Variants in BRCA2 observed in about 807,000 individuals in gnomAD.
The protein encoded by BRCA2 is BRCA2 DNA repair associated, also known as breast cancer type 2 susceptibility protein.
Under a neutral mutation model 276.7 loss-of-function variants are expected in BRCA2, and 203 were observed. The ratio of observed to expected loss-of-function variants is 0.73; its 90% CI spans 0.65 to 0.82. The LOEUF (loss-of-function observed/expected upper bound fraction) is 0.82, where lower values mean the gene tolerates loss of function less well. Ranked by LOEUF, BRCA2 falls within the 40% of genes least tolerant of loss-of-function variation. The pLI is 0.00. For synonymous variants in BRCA2, 1,289 were observed against 1,338.4 expected, an observed-to-expected ratio of 0.96 and a Z score of 0.81; for missense variants, 3,920 against 3,915.0, an observed-to-expected ratio of 1.00 and a Z score of -0.03.
At chr13:32,389,153 T>A (rs1169065395) in intron 24 of BRCA2, among the ~76,000 whole-genome samples, 1 of 152,220 alleles carries the variant, frequency 6.6e-6, no homozygotes, top group African/African-American at 2.4e-5. Flanking sequence ...TCTACCACTC[T>A]AAGTGAAGTG....
rs786201237 is a variant in BRCA2, at chr13:32,332,657, T to C, written c.1179T>C (p.Cys393=). The change falls in exon 10 of 27, where the codon TGT becomes TGC. Residue 393 remains cysteine (C), a synonymous_variant. Coordinates refer to ENST00000380152, the MANE Select transcript of BRCA2 (RefSeq NM_000059.4). ...ISKEVVPSLA[C]EWSQLTLSGL... Reference sequence around the variant, plus strand: ...AGGAAGTTGTACCGTCTTTGGCCTGTGAATGGTCTCAACTAACCCTTTCAG... The same window carrying C: ...AGGAAGTTGTACCGTCTTTGGCCTGCGAATGGTCTCAACTAACCCTTTCAG... The C allele has an allele frequency of 4.3e-6, 7 of 1,613,962 alleles. No individual in the cohort carries two copies. The highest frequency in any genetic ancestry group is 5.9e-6 in the Non-Finnish European group (7 of 1,179,966).
rs2137481653 is a variant in BRCA2 at position 32,336,250 on chromosome 13, T to G, written c.1910-15T>G. 6.3e-7 allele frequency: 1 copy of G among 1,594,686 alleles called. No individual in the cohort carries two copies. The highest frequency in any genetic ancestry group is 8.5e-7 in the Non-Finnish European group (1 of 1,173,626). ...ATGGTACTTTAATTTTGTCACTTTG[T>G]GTTTTTATGTTTAGGTTTATTGCAT... On this transcript the variant is annotated splice_polypyrimidine_tract_variant and intron_variant, in intron 10 of 26. Coordinates refer to ENST00000380152, the MANE Select transcript of BRCA2 (RefSeq NM_000059.4).
intron 16 of BRCA2, 83 bp downstream of exon 16, chr13:32,358,012 A>T (rs897893124): frequency 9.5e-6 from 14 of 1,475,724 alleles, no homozygotes; most frequent in Non-Finnish European, 1.9e-6. Flanking sequence ...CTCGAACTAA[A>T]AAGTTGGCTA....
chr13:32,374,648 C>T (rs1027799115), intron 20 of BRCA2, among the ~76,000 whole-genome samples: 9 of 152,228 alleles, frequency 5.9e-5, no homozygotes, highest in African/African-American at 2.2e-4. Context: ...ATAAGATCCT[C>T]ATCTCCATCT....
chr13:32,354,034 A>G (rs991992973), intron 13 of BRCA2, among the ~76,000 whole-genome samples: 1 of 152,248 alleles, frequency 6.6e-6, no homozygotes, highest in South Asian at 2.1e-4. Context: ...TAAGGAAGAC[A>G]TCCAGTTTTG....
intron 11 of BRCA2, among the ~76,000 whole-genome samples, chr13:32,342,305 T>C (rs1312066271): frequency 6.6e-6 from 1 of 151,646 alleles, no homozygotes; most frequent in Non-Finnish European, 1.5e-5. Context: ...TTAAAGCACT[T>C]AGCAGTGAAC....
intron 14 of BRCA2, among the ~76,000 whole-genome samples, chr13:32,356,005 C>A (rs1022941683): frequency 6.6e-6 from 1 of 150,722 alleles, no homozygotes; most frequent in Non-Finnish European, 1.5e-5. Flanking sequence ...ATGTAAACTT[C>A]GAGGAAATTG....
chr13:32,352,002 C>T (rs1030038054), intron 13 of BRCA2, among the ~76,000 whole-genome samples: 4 of 152,036 alleles, frequency 2.6e-5, no homozygotes, highest in African/African-American at 4.8e-5. Context: ...GGGGTTTCAC[C>T]GTGTTAGCCA....
intron 3 of BRCA2, among the ~76,000 whole-genome samples, chr13:32,319,785 A>G (rs1566216278): frequency 1.3e-5 from 2 of 152,236 alleles, no homozygotes. Context: ...AGTCATTCAA[A>G]TAATTATTAC....
chr13:32,378,826 A>G (rs1460143528), intron 21 of BRCA2, among the ~76,000 whole-genome samples: 2 of 152,172 alleles, frequency 1.3e-5, no homozygotes, highest in East Asian at 3.8e-4. Context: ...TGTATCTACT[A>G]TTTCAAAGTT....
chr13:32,357,806 A>G lies in BRCA2; in HGVS notation c.7682A>G (p.Gln2561Arg), dbSNP rs55647716. The change falls in exon 16 of 27, where the codon CAG becomes CGG. Residue 2561 changes from glutamine (Q) to arginine (R), a missense_variant. Physicochemically the swap from Gln to Arg is conservative, Grantham distance 43 (BLOSUM62 1). Transcript: ENST00000380152. ...AACAGCAAAAATGCAGAGTCTTTTC[A>G]GTTTCACACTGAAGATTATTTTGGT... ...KINSKNAESF[Q>R]FHTEDYFGKE... The G allele has an allele frequency of 6.8e-6, 11 of 1,613,772 alleles. No individual in the cohort carries two copies. The African/African-American group carries it at 1.3e-4, about 20-fold the overall frequency.
chr13:32,329,532 A>G, intron 8 of BRCA2, 40 bp downstream of exon 8: 6 of 1,476,544 alleles, frequency 4.1e-6, no homozygotes, highest in Non-Finnish European at 4.7e-6. Flanking sequence ...TGAAATTGCT[A>G]ACAATTTTGG....
intron 10 of BRCA2, among the ~76,000 whole-genome samples, chr13:32,334,003 A>G (rs1438282815): frequency 3.3e-5 from 5 of 152,036 alleles, no homozygotes; most frequent in African/African-American, 1.2e-4. Flanking sequence ...TCCACATTTT[A>G]TTTATCCAGT....
At chr13:32,390,727 C>A (rs987452750) in intron 24 of BRCA2, among the ~76,000 whole-genome samples, 2 of 152,168 alleles carry the variant, frequency 1.3e-5, no homozygotes, top group Non-Finnish European at 2.9e-5. Context: ...ATGATCCTAC[C>A]TGTACACTTC....
At chr13:32,334,006 T>C (rs1372859512) in intron 10 of BRCA2, among the ~76,000 whole-genome samples, 1 of 152,234 alleles carries the variant, frequency 6.6e-6, no homozygotes, top group Admixed American at 6.5e-5. Flanking sequence ...ACATTTTATT[T>C]ATCCAGTCTA....
chr13:32,340,922 C>A lies in BRCA2; in HGVS notation c.6567C>A (p.Asn2189Lys), dbSNP rs397507374. The change falls in exon 11 of 27, where the codon AAC (asparagine) becomes AAA (lysine). Residue 2189 changes from asparagine (N) to lysine (K), a missense_variant. This residue lies in a region of BRCA2 where 3,263 missense variants were observed against 3,156.9 expected (regional missense o/e 1.03). Coordinates refer to ENST00000380152, the MANE Select transcript of BRCA2 (RefSeq NM_000059.4). ...VLGKEQASPK[N>K]VKMEIGKTET... ...GAAAAGAACAGGCTTCACCTAAAAA[C>A]GTAAAAATGGAAATTGGTAAAACTG... 4 of 1,609,852 alleles carry A rather than the reference C, an allele frequency of 2.5e-6. No homozygotes were observed. The highest frequency in any genetic ancestry group is 3.4e-6 in the Non-Finnish European group (4 of 1,178,994).
At position 32,325,180 on chromosome 13, in the gene BRCA2, G is replaced by A. The variant is rs967234688; in HGVS notation, c.421G>A (p.Glu141Lys). The A allele has an allele frequency of 1.3e-6, 2 of 1,559,060 alleles. No individual in the cohort carries two copies. The highest frequency in any genetic ancestry group is 2.7e-5 in the African/African-American group (2 of 73,722). Residue 141 changes from glutamate (E) to lysine (K), a missense_variant, in exon 4 of 27, where the codon GAA becomes AAA. Glu to Lys is a moderately conservative substitution (Grantham distance 56, BLOSUM62 1). Transcript: ENST00000380152. ...TCCACTTCTAAATTCTTGTCTTAGTGAAAGGTATGATGAAGCTATTATATT... is the reference window on the plus strand; with the variant it reads ...TCCACTTCTAAATTCTTGTCTTAGTAAAAGGTATGATGAAGCTATTATATT... ...SCPLLNSCLSESPVVLQCTHV... is the reference protein window; with the variant it reads ...SCPLLNSCLSKSPVVLQCTHV...
In BRCA2 at chr13:32,358,067, T is replaced by A; in HGVS notation, c.7805+138T>A. 12 of 878,986 alleles carry A rather than the reference T, an allele frequency of 1.4e-5. 1 individual carries two copies. The South Asian group carries it at 1.7e-4, about 13-fold the overall frequency. 54.4% of individuals were successfully genotyped at this position (878,986 alleles called of 1,614,324 possible). On this transcript the variant is annotated intron_variant, in intron 16 of 26. Transcript: ENST00000380152. ...TTTAATTGTTTTAAGTGCATTATGG[T>A]TAAGCATTCTGTAGAAGTCTTTTGA...
chr13:32,326,890 G>A (rs1202729986), intron 7 of BRCA2, among the ~76,000 whole-genome samples: 3 of 152,278 alleles, frequency 2.0e-5, no homozygotes, highest in South Asian at 2.1e-4. Context: ...CTATATAAGC[G>A]TTTAAGAGGC....
Sources: gnomAD v4.1 joint callset for allele counts (sites outside exome capture counted in the v4.1 genomes callset) on GRCh38, gnomAD v4.1.1 for gene constraint, gnomAD v4.1.1 regional missense constraint, MANE v1.5 for transcripts, NCBI Gene and HGNC (gene_info 2026-07-23, HGNC 2026-07-21) for gene names.